Variants in KRIT1 observed in about 807,000 individuals in gnomAD.
KRIT1 encodes krev interaction trapped protein 1.
KRIT1 carries 45 observed loss-of-function variants against 95.8 expected under a neutral mutation model. The observed-to-expected ratio is 0.47, with a 90% CI of 0.37 to 0.60. KRIT1 has a LOEUF of 0.60. KRIT1 is among the 20% of genes least tolerant of loss of function. The pLI is 0.00. For synonymous variants in KRIT1, 282 were observed against 278.8 expected (o/e 1.01, Z -0.11); for missense variants, 788 against 877.5 (o/e 0.90, Z 1.29).
chr7:92,243,853 T>C (rs912982943), intron 3 of KRIT1, 149 bp downstream of exon 3: 45 of 152,168 alleles, frequency 3.0e-4, no homozygotes, highest in African/African-American at 1.0e-3. Flanking sequence ...CCTACAGATA[T>C]TTCACTAGAA....
Position 92,200,308 on chromosome 7 carries a change from T to G in KRIT1, c.*428A>C, listed in dbSNP as rs1301119192. ...ACATAAGTACAGATTCTGTACAATG[T>G]AATAGTATACATATATATTACAAGA... On this transcript the variant is annotated 3_prime_UTR_variant, in exon 19 of 19. Transcript: ENST00000394505. 4.5e-6 allele frequency: 1 copy of G among 220,568 alleles called. No individual in the cohort carries two copies. The highest frequency in any genetic ancestry group is 5.2e-5 in the Admixed American group (1 of 19,138). The allele number at this position is 220,568 out of a possible 1,614,324, so 13.7% of individuals were successfully genotyped here. A position where few individuals can be genotyped will look rare whatever the true frequency, so the allele number is the denominator to read the frequency against.
At chr7:92,225,883 G>A in intron 11 of KRIT1, 56 bp from the exon 12 acceptor site, 1 of 902,856 alleles carries the variant, frequency 1.1e-6, no homozygotes. Context: ...GGTATTCTAA[G>A]GGAAAATGTC....
At chr7:92,236,254 G>C (rs1000153086) in intron 7 of KRIT1, 159 bp downstream of exon 7, 2 of 581,992 alleles carry the variant, frequency 3.4e-6, no homozygotes, top group Non-Finnish European at 5.9e-6. Flanking sequence ...TTATCTTCGG[G>C]TTTTTCATTT....
chr7:92,234,290 T>C (rs1251567005), intron 10 of KRIT1, among the ~76,000 whole-genome samples, 159 bp downstream of exon 10: 1 of 152,176 alleles, frequency 6.6e-6, no homozygotes, highest in Non-Finnish European at 1.5e-5. Flanking sequence ...TTCTGAACAT[T>C]GGCACATATA....
intron 10 of KRIT1, among the ~76,000 whole-genome samples, chr7:92,228,031 G>A (rs970480890): frequency 1.3e-5 from 2 of 151,900 alleles, no homozygotes; most frequent in Non-Finnish European, 2.9e-5. Context: ...TTGCGGCGGG[G>A]AGGTGGGAAG....
intron 10 of KRIT1, among the ~76,000 whole-genome samples, chr7:92,230,187 C>CT (rs1041058229): frequency 1.3e-5 from 2 of 151,956 alleles, no homozygotes; most frequent in Non-Finnish European, 2.9e-5. Context: ...GGCAGAGGTA[C>CT]TTTTTTATTG....
At chr7:92,232,512 G>A (rs565022083) in intron 10 of KRIT1, among the ~76,000 whole-genome samples, 1 of 147,216 alleles carries the variant, frequency 6.8e-6, no homozygotes, top group African/African-American at 2.6e-5. Context: ...TTCATTAGAG[G>A]GGGAAAAAAA....
chr7:92,203,258 G>A (rs1790624619), intron 17 of KRIT1, among the ~76,000 whole-genome samples: 1 of 152,190 alleles, frequency 6.6e-6, no homozygotes, highest in African/African-American at 2.4e-5. Context: ...TTTTTGCTAA[G>A]CTTGTTGAAT....
chr7:92,242,198 A>T, intron 3 of KRIT1, 61 bp from the exon 4 acceptor site: 2 of 904,408 alleles, frequency 2.2e-6, no homozygotes, highest in Non-Finnish European at 3.7e-6. Context: ...ATGGCAAGAT[A>T]AAAAAAAGTA....
In KRIT1 at chr7:92,202,908, G is replaced by C. The variant is rs545681824; in HGVS notation, c.2026-1485C>G. Among the ~76,000 whole-genome samples the C allele has an allele frequency of 3.3e-5, 5 of 152,316 alleles. No homozygotes were observed. In the South Asian group the frequency reaches 1.0e-3, roughly 32 times the overall value. On this transcript the variant is annotated intron_variant, in intron 17 of 18. Coordinates refer to ENST00000394505, the MANE Select transcript of KRIT1 (RefSeq NM_194454.3). The stretch of plus-strand genomic sequence containing the variant: ...TAAAATAGCTACTTATCAAGGTACA[G>C]ACTGAACAGAGTCAAGATATCATAC...
In KRIT1 at chr7:92,242,090, G is replaced by A. The variant is rs370360812; in HGVS notation, c.46C>T (p.Arg16Cys). The change falls in exon 4 of 19, where the codon CGT becomes TGT. Residue 16 changes from arginine to cysteine, a missense_variant. Arg to Cys is a radical substitution (Grantham distance 180). This residue lies in a region of KRIT1 where 289 missense variants were observed against 277.5 expected (regional missense o/e 1.04). Coordinates refer to ENST00000394505, the MANE Select transcript of KRIT1 (RefSeq NM_194454.3). ...TTGAGACTGGCAGTATTCTTTGGAC[G>A]AATAACAGCAACATATGCATCTTCT... ...NIEDAYVAVI[R>C]PKNTASLNSR... 41 of 1,603,390 alleles carry A rather than the reference G, an allele frequency of 2.6e-5. No homozygotes were observed. The highest frequency in any genetic ancestry group is 3.1e-5 in the Non-Finnish European group (36 of 1,170,992).
chr7:92,237,603 C>T, intron 6 of KRIT1, 64 bp downstream of exon 6: 2 of 887,874 alleles, frequency 2.3e-6, no homozygotes, highest in Non-Finnish European at 3.7e-6. Context: ...TCTTAACTTC[C>T]TCAATAGACC....
chr7:92,219,627 T>C lies in KRIT1; in HGVS notation c.1563+2275A>G, dbSNP rs534035422. The stretch of plus-strand genomic sequence containing the variant: ...GATTGCTTTGGCTATTTGAGTCCCC[T>C]TGCAATTCTTGTGGATTTGAGTACT... On this transcript the variant is annotated intron_variant, in intron 14 of 18. Coordinates refer to ENST00000394505, the MANE Select transcript of KRIT1 (RefSeq NM_194454.3). Among the ~76,000 whole-genome samples, 8 of 152,330 alleles carry C rather than the reference T, an allele frequency of 5.3e-5. No homozygotes were observed. In the South Asian group the frequency reaches 1.7e-3, roughly 32 times the overall value.
At chr7:92,224,528 AATTG>A (rs1340309929) in intron 12 of KRIT1, among the ~76,000 whole-genome samples, 1 of 152,162 alleles carries the variant, frequency 6.6e-6, no homozygotes, top group East Asian at 1.9e-4. Context: ...TCTTAGGCAT[AATTG>A]AGTTTCTTCT....
Position 92,241,111 on chromosome 7 carries a change from CT to C in KRIT1, c.143del (p.Lys48ArgfsTer17), listed in dbSNP as rs776245507. On this transcript the variant is annotated frameshift_variant, in exon 5 of 19. Transcript: ENST00000394505. LOFTEE classifies it high-confidence loss of function. The part of the protein sequence containing the change: ...HEVPIEGQKK[K>X]RKKVLLETKL... ...TCGTTTCCAATAAAACTTTCTTTCT[CT>C]TTTTTTTCTGTCCTTCAATGGGAAC... The C allele has an allele frequency of 3.7e-6, 6 of 1,610,016 alleles. No individual in the cohort carries two copies. The highest frequency in any genetic ancestry group is 1.7e-5 in the Admixed American group (1 of 59,906).
intron 10 of KRIT1, among the ~76,000 whole-genome samples, chr7:92,228,700 C>G (rs1040995466): frequency 6.6e-6 from 1 of 152,054 alleles, no homozygotes; most frequent in Admixed American, 6.6e-5. Context: ...GGTACTAAGC[C>G]TAGTACCCAA....
At chr7:92,236,615 A>G in intron 6 of KRIT1, 73 bp from the exon 7 acceptor site, 1 of 999,746 alleles carries the variant, frequency 1.0e-6, no homozygotes, top group Non-Finnish European at 1.6e-6. Flanking sequence ...CTAAAAATAC[A>G]TGTTAGAAAA....
Position 92,236,400 on chromosome 7 carries a change from C to G in KRIT1, c.485+13G>C. On this transcript the variant is annotated intron_variant, in intron 7 of 18. Coordinates refer to ENST00000394505, the MANE Select transcript of KRIT1 (RefSeq NM_194454.3). ...TTGATTAATTAAAAGATACTTCTAA[C>G]GGCATTTCTTACTTATCCAAGGCTA... 6.4e-7 allele frequency: 1 copy of G among 1,574,356 alleles called. No individual in the cohort carries two copies. The highest frequency in any genetic ancestry group is 8.7e-7 in the Non-Finnish European group (1 of 1,144,894).
At position 92,225,798 on chromosome 7, in the gene KRIT1, T is replaced by G. The variant is rs538610091; in HGVS notation, c.1176A>C (p.Pro392=). The G allele has an allele frequency of 6.2e-7, 1 of 1,609,380 alleles. No homozygotes were observed. The highest frequency in any genetic ancestry group is 1.7e-4 in the Middle Eastern group (1 of 6,044). The part of the protein sequence containing the change: ...RHITDQQGRS[P]LNICEENKQN... ...GTTTGTTTTCTTCACAAATATTTAATGGAGATCTTCCTTGTTGGTCTGTTA... is the reference window on the plus strand; with the variant it reads ...GTTTGTTTTCTTCACAAATATTTAAGGGAGATCTTCCTTGTTGGTCTGTTA... The change falls in exon 12 of 19, where the codon CCA becomes CCC. Residue 392 remains proline, a synonymous_variant. Coordinates refer to ENST00000394505, the MANE Select transcript of KRIT1 (RefSeq NM_194454.3).
Sources: gnomAD v4.1 joint callset for allele counts (sites outside exome capture counted in the v4.1 genomes callset) on GRCh38, gnomAD v4.1.1 for gene constraint, gnomAD v4.1.1 regional missense constraint, MANE v1.5 for transcripts, NCBI Gene and HGNC (gene_info 2026-07-23, HGNC 2026-07-21) for gene names.